The following CTIF variants were observed in gnomAD, a reference collection of about 807,000 sequenced individuals.
CTIF encodes CBP80/20-dependent translation initiation factor.
A neutral mutation model predicts 66.0 loss-of-function variants in CTIF; 21 were observed. The observed-to-expected ratio is 0.32, with a 90% CI of 0.23 to 0.46. The LOEUF (loss-of-function observed/expected upper bound fraction) is 0.46. Ranked by LOEUF, CTIF falls within the 20% of genes least tolerant of loss-of-function variation. The pLI is 1.00. For synonymous variants in CTIF, 345 were observed against 326.4 expected, an observed-to-expected ratio of 1.06 and a Z score of -0.62; for missense variants, 739 against 812.7, an observed-to-expected ratio of 0.91 and a Z score of 1.10.
At chr18:48,852,155 GC>G (rs1039788417) in intron 10 of CTIF, among the ~76,000 whole-genome samples, 2 of 142,864 alleles carry the variant, frequency 1.4e-5, no homozygotes, top group African/African-American at 5.2e-5. Context: ...GATTGCTTAA[GC>G]CCAGCAGGTT....
chr18:48,686,831 A>G (rs2091849031), intron 6 of CTIF, among the ~76,000 whole-genome samples: 1 of 152,128 alleles, frequency 6.6e-6, no homozygotes, highest in Non-Finnish European at 1.5e-5. Flanking sequence ...TCTCATCAGT[A>G]TTCCTCTCTG....
chr18:48,620,499 T>C (rs2144419745), intron 2 of CTIF, among the ~76,000 whole-genome samples: 1 of 152,364 alleles, frequency 6.6e-6, no homozygotes, highest in South Asian at 2.1e-4. Context: ...GATTGGCTTC[T>C]AGCTGCCAGT....
intron 1 of CTIF, among the ~76,000 whole-genome samples, chr18:48,616,944 A>G (rs2090411209): frequency 1.3e-5 from 2 of 152,182 alleles, no homozygotes; most frequent in South Asian, 4.1e-4. Context: ...TTGCTTCCTA[A>G]AAGTTTACTA....
chr18:48,842,539 T>A (rs924846542), intron 10 of CTIF, among the ~76,000 whole-genome samples: 7 of 124,440 alleles, frequency 5.6e-5, no homozygotes, highest in African/African-American at 2.8e-4. Flanking sequence ...ATGTTCCGCC[T>A]CAGAAGAGCA....
chr18:48,563,163 C>T (rs1247127227), intron 1 of CTIF, among the ~76,000 whole-genome samples: 1 of 152,134 alleles, frequency 6.6e-6, no homozygotes, highest in Non-Finnish European at 1.5e-5. Context: ...TTGATTGGCC[C>T]CTCCTCCACC....
At position 48,539,103 on chromosome 18, in the gene CTIF, A is replaced by G. The variant is rs886585288; in HGVS notation, c.-238A>G. ...TTCCTTCCTCTACTCCCTCCCCCCTACCCGCCCCTCCCTCCCTGTTTCCCT... is the reference window on the plus strand; with the variant it reads ...TTCCTTCCTCTACTCCCTCCCCCCTGCCCGCCCCTCCCTCCCTGTTTCCCT... On this transcript the variant is annotated 5_prime_UTR_variant, in exon 1 of 12. Transcript: ENST00000256413. 1 of 31,262 alleles carries G rather than the reference A, an allele frequency of 3.2e-5. No individual in the cohort carries two copies. The highest frequency in any genetic ancestry group is 6.9e-5 in the Non-Finnish European group (1 of 14,520). 1.9% of individuals were successfully genotyped at this position (31,262 alleles called of 1,614,324 possible).
At position 48,859,385 on chromosome 18, in the gene CTIF, G is replaced by T. The variant is rs756706333; in HGVS notation, c.1623G>T (p.Glu541Asp). The change falls in exon 12 of 12, where the codon GAG (glutamate) becomes GAT (aspartate). Residue 541 changes from glutamate to aspartate, a missense_variant. Transcript: ENST00000256413. Reference sequence around the variant, plus strand: ...GGCTGCTGGAGGAACAGCTGCCTGAGATGATGACAGAGCTCCTGGCCAGCG... The same window carrying T: ...GGCTGCTGGAGGAACAGCTGCCTGATATGATGACAGAGCTCCTGGCCAGCG... ...TGRLLEEQLPEMMTELLASAR... is the reference protein window; with the variant it reads ...TGRLLEEQLPDMMTELLASAR... 6.2e-7 allele frequency: 1 copy of T among 1,614,170 alleles called. No homozygotes were observed. Among genetic ancestry groups the T allele is most frequent in the South Asian group, 1.1e-5 (1 of 91,090 alleles).
intron 5 of CTIF, 144 bp from the exon 6 acceptor site, chr18:48,670,522 TTTC>T: frequency 1.5e-6 from 1 of 671,346 alleles, no homozygotes. Flanking sequence ...TCTAGGGCTG[TTTC>T]CTCTAGGTGG....
At chr18:48,780,674 C>T (rs1251161534) in intron 9 of CTIF, among the ~76,000 whole-genome samples, 1 of 152,220 alleles carries the variant, frequency 6.6e-6, no homozygotes, top group African/African-American at 2.4e-5. Context: ...GCATGGTGTG[C>T]TGGGCTGTCT....
intron 3 of CTIF, among the ~76,000 whole-genome samples, chr18:48,654,816 C>T (rs1191193712): frequency 2.6e-5 from 4 of 152,160 alleles, no homozygotes; most frequent in African/African-American, 9.7e-5. Context: ...GAGTTCATGT[C>T]CTTTGCAGGG....
chr18:48,786,503 A>G (rs932761522), intron 9 of CTIF, among the ~76,000 whole-genome samples: 1 of 152,148 alleles, frequency 6.6e-6, no homozygotes, highest in African/African-American at 2.4e-5. Flanking sequence ...GTGACGTTAG[A>G]GTTGTTAGGA....
intron 11 of CTIF, among the ~76,000 whole-genome samples, chr18:48,858,373 C>T (rs1568274225): frequency 6.6e-6 from 1 of 152,240 alleles, no homozygotes; most frequent in Non-Finnish European, 1.5e-5. Flanking sequence ...TCCAGCTGGG[C>T]ACCCTACAGG....
rs535703345 is a variant in CTIF at position 48,752,343 on chromosome 18, C to T, written c.585-5576C>T. 3.3e-5 allele frequency among the ~76,000 whole-genome samples: 5 copies of T among 152,252 alleles called. No homozygotes were observed. The East Asian group carries it at 7.7e-4, about 24-fold the overall frequency. On this transcript the variant is annotated intron_variant, in intron 7 of 11. Coordinates refer to ENST00000256413, the MANE Select transcript of CTIF (RefSeq NM_014772.3). ...GTAGCTGGCCCAGTGCTGCTGTTGC[C>T]GCCATCATGATAATGATGGCTCTGG... is the stretch of plus-strand genomic sequence containing the variant.
At chr18:48,593,586 A>G (rs989838273) in intron 1 of CTIF, among the ~76,000 whole-genome samples, 3 of 151,452 alleles carry the variant, frequency 2.0e-5, no homozygotes, top group African/African-American at 7.3e-5. Context: ...GTTTCACCGT[A>G]TTAGCCAGGA....
chr18:48,633,421 G>A (rs1354288848), intron 2 of CTIF, among the ~76,000 whole-genome samples: 1 of 144,240 alleles, frequency 6.9e-6, no homozygotes, highest in Non-Finnish European at 1.5e-5. Context: ...TAAAAATGTG[G>A]ACTGGACATG....
intron 3 of CTIF, among the ~76,000 whole-genome samples, chr18:48,653,372 A>G (rs1235122020): frequency 1.3e-5 from 2 of 152,232 alleles, no homozygotes; most frequent in Non-Finnish European, 2.9e-5. Context: ...ACTCCCATTC[A>G]CAATTGCTAC....
intron 1 of CTIF, among the ~76,000 whole-genome samples, chr18:48,573,892 A>T (rs1198226712): frequency 6.6e-6 from 1 of 152,224 alleles, no homozygotes; most frequent in Non-Finnish European, 1.5e-5. Flanking sequence ...CCGCCTCTGT[A>T]TCAGGTGCTG....
intron 2 of CTIF, among the ~76,000 whole-genome samples, chr18:48,626,422 A>G (rs939718133): frequency 6.6e-6 from 1 of 151,830 alleles, no homozygotes; most frequent in Non-Finnish European, 1.5e-5. Context: ...CTCTCGGCTC[A>G]CTGCAACCTC....
At chr18:48,747,960 CA>C (rs960711890) in intron 7 of CTIF, among the ~76,000 whole-genome samples, 205 of 150,438 alleles carry the variant, frequency 1.4e-3, no homozygotes, top group Middle Eastern at 0.01. Flanking sequence ...TATTATTTAA[CA>C]AAAAAAAGGA....
Sources: allele counts gnomAD v4.1 joint callset (sites outside exome capture counted in the v4.1 genomes callset), GRCh38; gene constraint gnomAD v4.1.1; transcripts MANE v1.5; gene names NCBI Gene and HGNC (gene_info 2026-07-23, HGNC 2026-07-21).